ST3GAL6: variants seen among roughly 807,000 people sequenced by gnomAD.
ST3GAL6 encodes type 2 lactosamine alpha-2,3-sialyltransferase.
A neutral mutation model predicts 40.5 loss-of-function variants in ST3GAL6; 31 were observed. The observed-to-expected ratio is 0.77, with a 90% CI of 0.58 to 1.03. The LOEUF is 1.03. Among genes scored for constraint, ST3GAL6 ranks in the 50% least tolerant of loss-of-function variants. The probability of loss-of-function intolerance (pLI) is 0.00; values close to 1 mark genes in which losing one functional copy is unlikely to be tolerated. For missense variants in ST3GAL6, 357 were observed against 393.2 expected (o/e 0.91, Z 0.78); for synonymous variants, 129 against 136.9 (o/e 0.94, Z 0.40).
intron 1 of ST3GAL6, among the ~76,000 whole-genome samples, chr3:98,764,266 G>T (rs1316869818): frequency 1.3e-5 from 2 of 152,084 alleles, no homozygotes; most frequent in Non-Finnish European, 2.9e-5. Context: ...TTTCTAGCTG[G>T]TTGGAAAAGC....
At chr3:98,746,484 G>T (rs184633287) in intron 1 of ST3GAL6, among the ~76,000 whole-genome samples, 2 of 152,030 alleles carry the variant, frequency 1.3e-5, no homozygotes, top group Non-Finnish European at 2.9e-5. Flanking sequence ...TGCCCCAGAA[G>T]AGAAATGCCC....
At chr3:98,758,307 C>T (rs1937541974) in intron 1 of ST3GAL6, among the ~76,000 whole-genome samples, 1 of 152,170 alleles carries the variant, frequency 6.6e-6, no homozygotes, top group Non-Finnish European at 1.5e-5. Flanking sequence ...GAATCCTTCT[C>T]AACATTATAA....
chr3:98,747,208 G>A (rs1343735015), intron 1 of ST3GAL6, among the ~76,000 whole-genome samples: 1 of 152,156 alleles, frequency 6.6e-6, no homozygotes, highest in Non-Finnish European at 1.5e-5. Context: ...CGTCAGTATG[G>A]TTATCAGGAA....
At chr3:98,767,986 A>G (rs1425111973) in intron 1 of ST3GAL6, among the ~76,000 whole-genome samples, 1 of 149,274 alleles carries the variant, frequency 6.7e-6, no homozygotes, top group Non-Finnish European at 1.5e-5. Context: ...ACATTTTAAC[A>G]TCATTTCAAG....
At chr3:98,766,405 C>CTTTTTTTTTTTTTTTTTTTTT (rs369996406) in intron 1 of ST3GAL6, among the ~76,000 whole-genome samples, 1 of 104,112 alleles carries the variant, frequency 9.6e-6, no homozygotes, top group Non-Finnish European at 1.9e-5. Flanking sequence ...AAATGTCATT[C>CTTTTTTTTTTTTTTTTTTTTT]TTTTTTTTTT....
intron 9 of ST3GAL6, among the ~76,000 whole-genome samples, chr3:98,793,416 G>A (rs531954288): frequency 7.2e-5 from 11 of 152,096 alleles, no homozygotes; most frequent in African/African-American, 1.2e-4. Context: ...ACCATGATTC[G>A]GTCTACCAGG....
intron 1 of ST3GAL6, chr3:98,732,912 C>T (rs1172988612): frequency 6.6e-7 from 1 of 1,508,694 alleles, no homozygotes; most frequent in South Asian, 1.2e-5. Flanking sequence ...AGCAGCGGCC[C>T]CTCAGGTCTC....
chr3:98,733,332 G>C, intron 1 of ST3GAL6: 3 of 1,142,204 alleles, frequency 2.6e-6, no homozygotes, highest in Non-Finnish European at 3.2e-6. Context: ...CAGGAGCCGT[G>C]GGGGCCGAGA....
chr3:98,788,771 TCTGA>T (rs1262227103), intron 8 of ST3GAL6, among the ~76,000 whole-genome samples: 1 of 152,026 alleles, frequency 6.6e-6, no homozygotes, highest in Non-Finnish European at 1.5e-5. Context: ...GTGAGGAGAG[TCTGA>T]CTGGGTGGGC....
At chr3:98,734,050 C>G (rs1441357747) in intron 1 of ST3GAL6, among the ~76,000 whole-genome samples, 3 of 152,130 alleles carry the variant, frequency 2.0e-5, no homozygotes, top group African/African-American at 4.8e-5. Context: ...TCTGTGGTCT[C>G]GTGTCCACGC....
upstream of ST3GAL6, chr3:98,763,113 T>G (rs771320130): frequency 1.0e-6 from 1 of 985,378 alleles, no homozygotes; most frequent in Non-Finnish European, 1.2e-6. Flanking sequence ...TCAGGTCATA[T>G]GGAGATGGCT....
chr3:98,756,003 C>A (rs746325600), intron 1 of ST3GAL6, among the ~76,000 whole-genome samples: 2 of 152,066 alleles, frequency 1.3e-5, no homozygotes, highest in Non-Finnish European at 2.9e-5. Context: ...TCTCACCTCA[C>A]CTCTGCATTT....
At chr3:98,756,418 A>C in intron 1 of ST3GAL6, 1 of 1,289,638 alleles carries the variant, frequency 7.8e-7, no homozygotes. Context: ...ATAATTTCTA[A>C]CAGAGAGGCC....
intron 4 of ST3GAL6, chr3:98,773,508 T>G (rs185147822): frequency 2.7e-4 from 42 of 156,326 alleles, no homozygotes; most frequent in South Asian, 2.0e-3. Flanking sequence ...TGAGTCATAT[T>G]TTGCTTATTC....
intron 5 of ST3GAL6, chr3:98,782,508 G>T (rs924496971): frequency 1.7e-6 from 1 of 598,978 alleles, no homozygotes; most frequent in Admixed American, 2.9e-5. Flanking sequence ...TTTACACTCT[G>T]AACCCCAGGA....
chr3:98,772,837 G>T lies in ST3GAL6; in HGVS notation c.192G>T (p.Leu64=). ...LLRFHQFHPF[L]CAADFRKIAS... is the part of the protein sequence containing the mutation. ...GGTTTCATCAGTTTCACCCTTTTCT[G>T]TGTGCGGCTGATTTTAGAAAGATTG... The change falls in exon 4 of 10, where the codon CTG becomes CTT. Residue 64 remains leucine (L), a synonymous_variant. Transcript: ENST00000483910. 6.2e-7 allele frequency: 1 copy of T among 1,613,094 alleles called. No homozygotes were observed. The highest frequency in any genetic ancestry group is 8.5e-7 in the Non-Finnish European group (1 of 1,179,360).
At chr3:98,737,409 AC>A in intron 1 of ST3GAL6, among the ~76,000 whole-genome samples, 1 of 151,692 alleles carries the variant, frequency 6.6e-6, no homozygotes, top group Non-Finnish European at 1.5e-5. Context: ...ACAAATTTCT[AC>A]CCTTAGTTGC....
rs529480781 is a variant in ST3GAL6, at chr3:98,771,582, A to G, written c.167+626A>G. Among the ~76,000 whole-genome samples the G allele has an allele frequency of 8.1e-4, 124 of 152,336 alleles. 1 individual carries two copies. Among genetic ancestry groups the G allele is most frequent in the South Asian group, 2.5e-3 (12 of 4,828 alleles). On this transcript the variant is annotated intron_variant, in intron 3 of 9. Transcript: ENST00000483910. ...ATGTTTAATTGGGTAAAACAGGCAC[A>G]ATCTGTTCAGCATTTTTTCTATGAA...
chr3:98,746,898 G>A (rs1192695341), intron 1 of ST3GAL6, among the ~76,000 whole-genome samples: 2 of 152,122 alleles, frequency 1.3e-5, no homozygotes, highest in Non-Finnish European at 2.9e-5. Flanking sequence ...CAATGTCTTT[G>A]AGGTAACATT....
Sources: gnomAD v4.1 joint callset for allele counts (sites outside exome capture counted in the v4.1 genomes callset) on GRCh38, gnomAD v4.1.1 for gene constraint, MANE v1.5 for transcripts, NCBI Gene and HGNC (gene_info 2026-07-23, HGNC 2026-07-21) for gene names.